FAM193A: variants seen among roughly 807,000 people sequenced by gnomAD.
The protein encoded by FAM193A is family with sequence similarity 193 member A.
Under a neutral mutation model 126.5 loss-of-function variants are expected in FAM193A, and 22 were observed. The observed-to-expected ratio is 0.17, with a 90% CI of 0.12 to 0.25. The LOEUF is 0.25. Among genes scored for constraint, FAM193A ranks in the 10% least tolerant of loss-of-function variants. The probability of loss-of-function intolerance (pLI) is 1.00; values close to 1 mark genes in which losing one functional copy is unlikely to be tolerated. For missense variants in FAM193A, 1,675 were observed against 1,672.8 expected, an observed-to-expected ratio of 1.00 and a Z score of -0.02; for synonymous variants, 761 against 646.8, an observed-to-expected ratio of 1.18 and a Z score of -2.68.
rs367819984 is a variant in FAM193A, at chr4:2,699,815, C to T, written c.3643C>T (p.Leu1215Phe). ...EDRFKEEFQR[L>F]QELQKLRAVK... is the part of the protein sequence containing the mutation. ...TCGTTTCAAGGAGGAATTTCAGCGG[C>T]TTCAGGAGCTTCAGAAGCTAAGAGC... is the stretch of plus-strand genomic sequence containing the variant. Residue 1215 changes from leucine to phenylalanine, a missense_variant, in exon 19 of 21, where the codon CTT becomes TTT. By Grantham distance (22) the Leu-to-Phe change is conservative. Coordinates refer to ENST00000637812, the MANE Select transcript of FAM193A (RefSeq NM_001366318.2). 1.9e-6 allele frequency: 3 copies of T among 1,613,694 alleles called. No individual in the cohort carries two copies. The highest frequency in any genetic ancestry group is 2.7e-5 in the African/African-American group (2 of 74,840).
At chr4:2,630,093 T>C (rs1340511728) in intron 4 of FAM193A, among the ~76,000 whole-genome samples, 2 of 150,860 alleles carry the variant, frequency 1.3e-5, no homozygotes, top group South Asian at 2.1e-4. Context: ...GATCACACCA[T>C]TGCACTCCAG....
chr4:2,596,710 C>G (rs1740885920), intron 2 of FAM193A, among the ~76,000 whole-genome samples: 1 of 152,142 alleles, frequency 6.6e-6, no homozygotes, highest in Admixed American at 6.5e-5. Context: ...GCCTCACCTT[C>G]CCTTTTACTT....
intron 8 of FAM193A, among the ~76,000 whole-genome samples, chr4:2,658,359 C>G (rs1280669800): frequency 6.6e-6 from 1 of 152,156 alleles, no homozygotes; most frequent in Non-Finnish European, 1.5e-5. Flanking sequence ...CAGATCTGGA[C>G]TCTCCCTTCC....
chr4:2,714,360 T>C lies in FAM193A; in HGVS notation c.4373-1663T>C, dbSNP rs76633590. On this transcript the variant is annotated intron_variant, in intron 19 of 20. Coordinates refer to ENST00000637812, the MANE Select transcript of FAM193A (RefSeq NM_001366318.2). ...CTGTGGCTGGGGGCTGTCCTCACTC[T>C]CCAGTCACATCCGCTATTCTGTGCC... Among the ~76,000 whole-genome samples, 672 of 152,258 alleles carry C rather than the reference T, an allele frequency of 4.4e-3. 1 individual carries two copies. Among genetic ancestry groups the C allele is most frequent in the African/African-American group, 0.016 (646 of 41,560 alleles).
intron 13 of FAM193A, among the ~76,000 whole-genome samples, chr4:2,683,680 C>T (rs1248378382): frequency 6.6e-6 from 1 of 152,176 alleles, no homozygotes; most frequent in East Asian, 1.9e-4. Flanking sequence ...ACTTGATGTT[C>T]TCTGAATTCT....
rs368850226 is a variant in FAM193A, at chr4:2,663,113, C to T, written c.1904C>T (p.Pro635Leu). ...TACAAAAGATTGTCTTTAAAGTCTCCTCAGATAAGCAGTACCAGCAGTAGT... is the reference window on the plus strand; with the variant it reads ...TACAAAAGATTGTCTTTAAAGTCTCTTCAGATAAGCAGTACCAGCAGTAGT... ...GENMALKDES[P>L]QISSTSSSSS... is the part of the protein sequence containing the mutation. Residue 635 changes from proline to leucine, a missense_variant, in exon 12 of 21, where the codon CCT (proline) becomes CTT (leucine). By Grantham distance (98) the Pro-to-Leu change is moderately conservative. Around this residue, in one of 4 missense-constraint regions of FAM193A, gnomAD observed 1,186 missense variants for 1,109.2 expected, o/e 1.07. Transcript: ENST00000637812. 3 of 1,611,872 alleles carry T rather than the reference C, an allele frequency of 1.9e-6. No individual in the cohort carries two copies. Among genetic ancestry groups the T allele is most frequent in the Admixed American group, 1.7e-5 (1 of 59,634 alleles).
At chr4:2,729,139 A>C (rs1001642616) in intron 20 of FAM193A, among the ~76,000 whole-genome samples, 1 of 152,078 alleles carries the variant, frequency 6.6e-6, no homozygotes, top group Non-Finnish European at 1.5e-5. Context: ...GGGAAACTGA[A>C]GCTGGTGATC....
In FAM193A at chr4:2,662,882, C is replaced by G. The variant is rs757012344; in HGVS notation, c.1790C>G (p.Ala597Gly). The part of the protein sequence containing the change: ...EDVAPLSAKF[A>G]DIYPLSNYDD... ...GTTGCACCATTGTCAGCCAAATTTGCTGATATTTATCCATTGAGTAATTAT... is the reference window on the plus strand; with the variant it reads ...GTTGCACCATTGTCAGCCAAATTTGGTGATATTTATCCATTGAGTAATTAT... The change falls in exon 11 of 21, where the codon GCT (alanine) becomes GGT (glycine). Residue 597 changes from alanine (A) to glycine (G), a missense_variant. By Grantham distance (60) the Ala-to-Gly change is moderately conservative (BLOSUM62 0). Around this residue, in one of 4 missense-constraint regions of FAM193A, gnomAD observed 1,186 missense variants for 1,109.2 expected, o/e 1.07. Coordinates refer to ENST00000637812, the MANE Select transcript of FAM193A (RefSeq NM_001366318.2). 4 of 1,611,786 alleles carry G rather than the reference C, an allele frequency of 2.5e-6. No individual in the cohort carries two copies. The highest frequency in any genetic ancestry group is 3.4e-6 in the Non-Finnish European group (4 of 1,178,088).
intron 1 of FAM193A, among the ~76,000 whole-genome samples, chr4:2,581,245 TTC>T (rs1560458541): frequency 6.9e-6 from 1 of 144,664 alleles, no homozygotes; most frequent in African/African-American, 2.5e-5. Context: ...CTGAAATATT[TTC>T]TTTCTTTCTT....
Position 2,689,253 on chromosome 4 carries a change from A to T in FAM193A, c.2332-253A>T, listed in dbSNP as rs538618873. ...ATGTGAGAAGTTACTGAGTTGTCTA[A>T]AGTTTGTTCAGATATACTCCTCAAG... On this transcript the variant is annotated intron_variant, in intron 13 of 20. Transcript: ENST00000637812. 1.4e-4 allele frequency among the ~76,000 whole-genome samples: 21 copies of T among 152,302 alleles called. 2 individuals are homozygous for T. In the South Asian group the frequency reaches 3.9e-3, roughly 29 times the overall value.
rs1713893179 is a variant in FAM193A, at chr4:2,672,263, A to G, written c.2222A>G (p.His741Arg). 1 of 1,614,016 alleles carries G rather than the reference A, an allele frequency of 6.2e-7. No individual in the cohort carries two copies. The highest frequency in any genetic ancestry group is 1.7e-5 in the Admixed American group (1 of 60,010). ...GAGAAGCCCACACACCCTGCACTGCACCTTTACCCTCACATCCATGGACAT... is the reference window on the plus strand; with the variant it reads ...GAGAAGCCCACACACCCTGCACTGCGCCTTTACCCTCACATCCATGGACAT... ...SPEKPTHPAL[H>R]LYPHIHGHVP... Residue 741 changes from histidine to arginine, a missense_variant, in exon 13 of 21, where the codon CAC (histidine) becomes CGC (arginine). His to Arg is a conservative substitution (Grantham distance 29). Coordinates refer to ENST00000637812, the MANE Select transcript of FAM193A (RefSeq NM_001366318.2).
intron 2 of FAM193A, among the ~76,000 whole-genome samples, chr4:2,600,048 C>T (rs1741107005): frequency 6.6e-6 from 1 of 152,140 alleles, no homozygotes; most frequent in Non-Finnish European, 1.5e-5. Context: ...TATAGGCGCG[C>T]AACACCACAC....
At chr4:2,731,701 G>C in intron 20 of FAM193A, 74 bp from the exon 21 acceptor site, 1 of 1,151,706 alleles carries the variant, frequency 8.7e-7, no homozygotes, top group Non-Finnish European at 1.3e-6. Flanking sequence ...ACAGGAGTGT[G>C]ATGGGCTTTG....
intron 1 of FAM193A, among the ~76,000 whole-genome samples, chr4:2,585,029 AT>A (rs1212135268): frequency 6.6e-6 from 1 of 152,238 alleles, no homozygotes; most frequent in African/African-American, 2.4e-5. Context: ...AATACGGTAT[AT>A]AACTTGTCTC....
intron 7 of FAM193A, among the ~76,000 whole-genome samples, chr4:2,649,224 A>G (rs1185891431): frequency 6.6e-6 from 1 of 151,008 alleles, no homozygotes; most frequent in East Asian, 2.0e-4. Flanking sequence ...AAATTAAAAA[A>G]TTAGCCAGGC....
At chr4:2,654,858 T>G (rs976331839) in intron 7 of FAM193A, 4 of 427,828 alleles carry the variant, frequency 9.3e-6, no homozygotes, top group Admixed American at 7.6e-5. Flanking sequence ...GGAATGTGTG[T>G]TTAAAGCATT....
At chr4:2,665,796 G>A (rs549725518) in intron 12 of FAM193A, among the ~76,000 whole-genome samples, 17 of 152,260 alleles carry the variant, frequency 1.1e-4, no homozygotes, top group African/African-American at 3.9e-4. Flanking sequence ...CAAAGTTTTA[G>A]GAGTATAGGT....
Position 2,699,438 on chromosome 4 carries a change from C to CG in FAM193A, c.3508-242_3508-241insG, listed in dbSNP as rs1553912477. The stretch of plus-strand genomic sequence containing the variant: ...TCGGGAATTTTTTGTTAACTACCAC[C>CG]CCCCCCCCCACACACACACACACAA... On this transcript the variant is annotated intron_variant, in intron 18 of 20. Coordinates refer to ENST00000637812, the MANE Select transcript of FAM193A (RefSeq NM_001366318.2). Among the ~76,000 whole-genome samples, 10 of 79,602 alleles carry CG rather than the reference C, an allele frequency of 1.3e-4. 1 individual carries two copies. The highest frequency in any genetic ancestry group is 1.4e-4 in the Non-Finnish European group (5 of 36,426). The allele number at this position is 79,602 out of a possible 152,430, so 52.2% of individuals were successfully genotyped here.
intron 1 of FAM193A, among the ~76,000 whole-genome samples, chr4:2,537,824 G>A (rs1167535168): frequency 6.6e-6 from 1 of 152,192 alleles, no homozygotes; most frequent in Non-Finnish European, 1.5e-5. Flanking sequence ...GTTTTCAGGG[G>A]TATTTAGTGG....
Sources: allele counts gnomAD v4.1 joint callset (sites outside exome capture counted in the v4.1 genomes callset), GRCh38; gene constraint gnomAD v4.1.1; regional missense constraint gnomAD v4.1.1; transcripts MANE v1.5; gene names NCBI Gene and HGNC (gene_info 2026-07-23, HGNC 2026-07-21).